CFAP46: variants seen among roughly 807,000 people sequenced by gnomAD.
CFAP46 encodes the protein cilia and flagella associated protein 46.
CFAP46 carries 245 observed loss-of-function variants against 325.7 expected under a neutral mutation model. The observed-to-expected ratio is 0.75, with a 90% CI of 0.68 to 0.84. CFAP46 has a LOEUF of 0.84. CFAP46 is among the 40% of genes least tolerant of loss of function. The probability of loss-of-function intolerance (pLI) is 0.00; values close to 1 mark genes in which losing one functional copy is unlikely to be tolerated. For synonymous variants in CFAP46, 1,523 were observed against 1,495.9 expected, an observed-to-expected ratio of 1.02 and a Z score of -0.42; for missense variants, 3,346 against 3,543.0, an observed-to-expected ratio of 0.94 and a Z score of 1.41.
intron 17 of CFAP46, among the ~76,000 whole-genome samples, chr10:132,913,754 C>T (rs181667066): frequency 3.1e-4 from 47 of 152,222 alleles, no homozygotes; most frequent in Non-Finnish European, 4.7e-4. Context: ...CTCTTGTTTC[C>T]GGAAGTCTGT....
At position 132,818,143 on chromosome 10, in the gene CFAP46, C is replaced by T. The variant is rs1035785071; in HGVS notation, c.7118-3229G>A. 4.6e-5 allele frequency among the ~76,000 whole-genome samples: 7 copies of T among 152,316 alleles called. No individual in the cohort carries two copies. The East Asian group carries it at 7.7e-4, about 17-fold the overall frequency. On this transcript the variant is annotated intron_variant, in intron 50 of 57. Coordinates refer to ENST00000368586, the MANE Select transcript of CFAP46 (RefSeq NM_001200049.3). ...CCTGCCAACCACACCGTTGCTGGAG[C>T]GTCTAGTTGGGCTGCTGCTTTCCTT...
At chr10:132,819,077 G>T (rs915487709) in intron 50 of CFAP46, among the ~76,000 whole-genome samples, 1 of 152,018 alleles carries the variant, frequency 6.6e-6, no homozygotes, top group African/African-American at 2.4e-5. Context: ...ATTAAAATCA[G>T]TACTATACAT....
intron 50 of CFAP46, among the ~76,000 whole-genome samples, chr10:132,818,082 G>A (rs535444336): frequency 2.6e-5 from 4 of 152,278 alleles, no homozygotes; most frequent in African/African-American, 9.6e-5. Context: ...ACCACGCGAC[G>A]TCGCAGGCTC....
chr10:132,905,138 C>G (rs149945637), intron 22 of CFAP46, among the ~76,000 whole-genome samples: 1 of 145,364 alleles, frequency 6.9e-6, no homozygotes, highest in East Asian at 2.0e-4. Flanking sequence ...AAAATCAATC[C>G]TTTCCTTTTG....
chr10:132,903,726 A>T (rs1252699572), intron 22 of CFAP46, among the ~76,000 whole-genome samples: 1 of 152,194 alleles, frequency 6.6e-6, no homozygotes, highest in East Asian at 1.9e-4. Flanking sequence ...TTAAATTTAT[A>T]TTATTAACAA....
intron 33 of CFAP46, among the ~76,000 whole-genome samples, chr10:132,868,256 C>G (rs1407395790): frequency 6.6e-6 from 1 of 152,208 alleles, no homozygotes; most frequent in Non-Finnish European, 1.5e-5. Context: ...TTGGCCTCTG[C>G]CATCTGCCAC....
rs1334850905 is a variant in CFAP46, at chr10:132,889,724, C to T, written c.3304+2609G>A. 1.3e-5 allele frequency among the ~76,000 whole-genome samples: 2 copies of T among 152,198 alleles called. No homozygotes were observed. The highest frequency in any genetic ancestry group is 2.9e-5 in the Non-Finnish European group (2 of 68,040). On this transcript the variant is annotated intron_variant, in intron 25 of 57. Transcript: ENST00000368586. This position sits in a 1 kb window ranked among gnomAD's most constrained non-coding sequence, Gnocchi z 6.0. Reference sequence around the variant, plus strand: ...CTCATGCATTCCTGTGGACCGTCTCCTCCTCCCCGGAGGCCGTCAGCTCCA... The same window carrying T: ...CTCATGCATTCCTGTGGACCGTCTCTTCCTCCCCGGAGGCCGTCAGCTCCA...
At chr10:132,859,480 A>C (rs1848694582) in intron 37 of CFAP46, among the ~76,000 whole-genome samples, 1 of 151,028 alleles carries the variant, frequency 6.6e-6, no homozygotes, top group Non-Finnish European at 1.5e-5. Context: ...AAATTCAAAA[A>C]CCCTCTCCTA....
rs1328142200 is a variant in CFAP46 at position 132,828,951 on chromosome 10, C to T, written c.7117+4407G>A. ...GTCTACACGGCTACCGTCACGCCTG[C>T]GCTCCACTGTATCAATACTGCACCC... is the stretch of plus-strand genomic sequence containing the variant. On this transcript the variant is annotated intron_variant, in intron 50 of 57. Transcript: ENST00000368586. The surrounding 1 kb of genome is among the most constrained non-coding windows in gnomAD (Gnocchi z 4.9). Among the ~76,000 whole-genome samples the T allele has an allele frequency of 3.3e-5, 5 of 151,926 alleles. No individual in the cohort carries two copies. Among genetic ancestry groups the T allele is most frequent in the Non-Finnish European group, 5.9e-5 (4 of 68,032 alleles).
At chr10:132,941,163 T>A in intron 3 of CFAP46, 103 bp from the exon 4 acceptor site, 4 of 1,128,422 alleles carry the variant, frequency 3.5e-6, no homozygotes, top group Non-Finnish European at 5.4e-6. Flanking sequence ...TGGTACCCCC[T>A]GTGTGTCACC....
chr10:132,899,007 G>C lies in CFAP46; in HGVS notation c.3171C>G (p.Ala1057=), dbSNP rs1273783279. Reference sequence around the variant, plus strand: ...TGATGATGCCGATGAGCCTCTTCAGGGCACCCTTGGCCTTCTTCCTGTAGA... The same window carrying C: ...TGATGATGCCGATGAGCCTCTTCAGCGCACCCTTGGCCTTCTTCCTGTAGA... ...SAVYRKKAKG[A]LKRLIGIINK... Residue 1057 remains alanine, a synonymous_variant, in exon 24 of 58, where the codon GCC becomes GCG. Coordinates refer to ENST00000368586, the MANE Select transcript of CFAP46 (RefSeq NM_001200049.3). 1 of 1,550,466 alleles carries C rather than the reference G, an allele frequency of 6.4e-7. No individual in the cohort carries two copies. Among genetic ancestry groups the C allele is most frequent in the Admixed American group, 2.0e-5 (1 of 50,990 alleles).
At chr10:132,811,085 G>C in intron 55 of CFAP46, 54 bp from the exon 56 acceptor site, 1 of 1,471,304 alleles carries the variant, frequency 6.8e-7, no homozygotes, top group Non-Finnish European at 9.2e-7. Flanking sequence ...GGGGAGTGGG[G>C]ATGGGGTGTG....
In CFAP46 at chr10:132,942,338, C is replaced by T. The variant is rs1179608974; in HGVS notation, c.49+98G>A. The T allele has an allele frequency of 4.9e-6, 5 of 1,010,836 alleles. No individual in the cohort carries two copies. The South Asian group carries it at 7.6e-5, about 15-fold the overall frequency. 62.6% of individuals were successfully genotyped at this position (1,010,836 alleles called of 1,614,324 possible). On this transcript the variant is annotated intron_variant, in intron 1 of 57. Coordinates refer to ENST00000368586, the MANE Select transcript of CFAP46 (RefSeq NM_001200049.3). ...GGCCCTCGAGGGATCACCCATTGGG[C>T]GGGCTGGGATGAGAGGGTCCGGGGC...
At chr10:132,887,625 T>C (rs1375794834) in intron 25 of CFAP46, among the ~76,000 whole-genome samples, 2 of 50,490 alleles carry the variant, frequency 4.0e-5, no homozygotes, top group African/African-American at 1.3e-4. Context: ...TCTCCTCTTC[T>C]CTCCTCTCCC....
intron 22 of CFAP46, 50 bp downstream of exon 22, chr10:132,908,418 C>T (rs1028924241): frequency 4.0e-5 from 62 of 1,543,060 alleles, no homozygotes; most frequent in East Asian, 7.3e-5. Context: ...CCCAGGCCTG[C>T]GCTCCCTGCC....
chr10:132,822,876 CTG>C (rs1391006420), intron 50 of CFAP46, among the ~76,000 whole-genome samples: 3 of 122,178 alleles, frequency 2.5e-5, no homozygotes, highest in African/African-American at 6.4e-5. Flanking sequence ...GTGATGTGTG[CTG>C]TGTGTGCGCT....
intron 44 of CFAP46, among the ~76,000 whole-genome samples, chr10:132,842,497 C>T (rs1258925210): frequency 4.6e-5 from 7 of 152,172 alleles, no homozygotes; most frequent in Non-Finnish European, 1.0e-4. Flanking sequence ...GATCCATTTA[C>T]AGACATACTG....
chr10:132,938,858 C>G (rs1184791180), intron 4 of CFAP46, 105 bp from the exon 5 acceptor site: 1 of 1,019,146 alleles, frequency 9.8e-7, no homozygotes, highest in South Asian at 1.6e-5. Flanking sequence ...CAGGAGGGGC[C>G]TCAGGTCCTC....
At chr10:132,864,343 CAG>C (rs1848773883) in intron 35 of CFAP46, among the ~76,000 whole-genome samples, 1 of 127,640 alleles carries the variant, frequency 7.8e-6, no homozygotes, top group Non-Finnish European at 1.7e-5. Flanking sequence ...CACCTGTCCC[CAG>C]TGCCTGAGAC....
Sources: allele counts gnomAD v4.1 joint callset (sites outside exome capture counted in the v4.1 genomes callset), GRCh38; gene constraint gnomAD v4.1.1; non-coding constraint Gnocchi (gnomAD v3.1); transcripts MANE v1.5; gene names NCBI Gene and HGNC (gene_info 2026-07-23, HGNC 2026-07-21).